CTNNA3: variants seen among roughly 807,000 people sequenced by gnomAD.
The protein encoded by CTNNA3 is catenin alpha 3, also known as catenin alpha-3.
CTNNA3 carries 76 observed loss-of-function variants against 95.7 expected under a neutral mutation model. The observed-to-expected ratio is 0.79, with a 90% CI of 0.66 to 0.96. The LOEUF (loss-of-function observed/expected upper bound fraction) is 0.96. Ranked by LOEUF, CTNNA3 falls within the 40% of genes least tolerant of loss-of-function variation. CTNNA3 has a pLI of 0.00. For missense variants in CTNNA3, 1,191 were observed against 1,089.8 expected, an observed-to-expected ratio of 1.09 and a Z score of -1.31; for synonymous variants, 431 against 374.4, an observed-to-expected ratio of 1.15 and a Z score of -1.74.
chr10:67,142,910 G>C (rs1337957913), intron 7 of CTNNA3, among the ~76,000 whole-genome samples: 1 of 152,016 alleles, frequency 6.6e-6, no homozygotes, highest in Non-Finnish European at 1.5e-5. Flanking sequence ...CCAGCCTGGA[G>C]ACAGAGCAAG....
At chr10:66,875,249 A>C (rs1844570173) in intron 7 of CTNNA3, among the ~76,000 whole-genome samples, 1 of 152,278 alleles carries the variant, frequency 6.6e-6, no homozygotes, top group South Asian at 2.1e-4. Context: ...TGCAGACATG[A>C]GGAAGGGCCA....
intron 10 of CTNNA3, among the ~76,000 whole-genome samples, chr10:66,556,404 C>T (rs907817319): frequency 6.6e-6 from 1 of 152,016 alleles, no homozygotes; most frequent in Non-Finnish European, 1.5e-5. Context: ...GAAGAGATTT[C>T]TGTACCCCTA....
chr10:67,313,991 T>A (rs2132533566), intron 5 of CTNNA3, among the ~76,000 whole-genome samples: 1 of 152,238 alleles, frequency 6.6e-6, no homozygotes, highest in South Asian at 2.1e-4. Flanking sequence ...TGTAAAAGCC[T>A]AGAGAGAGTG....
At chr10:66,533,420 G>C (rs1021827191) in intron 10 of CTNNA3, among the ~76,000 whole-genome samples, 3 of 152,082 alleles carry the variant, frequency 2.0e-5, no homozygotes, top group African/African-American at 7.2e-5. Context: ...TTCCTGGATT[G>C]TCGTGGGTAT....
intron 5 of CTNNA3, among the ~76,000 whole-genome samples, chr10:67,318,208 G>C (rs185751176): frequency 6.6e-6 from 1 of 152,220 alleles, no homozygotes; most frequent in Admixed American, 6.5e-5. Flanking sequence ...CATTCTGCCT[G>C]AACTATCCTG....
At chr10:67,197,772 C>T (rs926791823) in intron 6 of CTNNA3, among the ~76,000 whole-genome samples, 5 of 152,054 alleles carry the variant, frequency 3.3e-5, no homozygotes, top group African/African-American at 1.2e-4. Context: ...TAGAAATTAA[C>T]TCAAATGTTT....
At chr10:66,374,110 A>T (rs925138816) in intron 12 of CTNNA3, among the ~76,000 whole-genome samples, 3 of 152,198 alleles carry the variant, frequency 2.0e-5, no homozygotes, top group African/African-American at 7.2e-5. Flanking sequence ...CTTGGTGATC[A>T]TTGATCATTG....
intron 10 of CTNNA3, among the ~76,000 whole-genome samples, chr10:66,610,911 T>TA (rs1844306641): frequency 1.3e-5 from 2 of 151,830 alleles, no homozygotes; most frequent in African/African-American, 4.8e-5. Context: ...GATGAATAAA[T>TA]AAAAAAATGT....
chr10:67,292,985 G>T (rs1839896193), intron 5 of CTNNA3, among the ~76,000 whole-genome samples: 1 of 151,734 alleles, frequency 6.6e-6, no homozygotes, highest in Non-Finnish European at 1.5e-5. Flanking sequence ...AACCATTCTA[G>T]TTTAGGATAT....
chr10:67,531,027 G>A (rs933462361), intron 4 of CTNNA3, among the ~76,000 whole-genome samples: 1 of 152,206 alleles, frequency 6.6e-6, no homozygotes, highest in African/African-American at 2.4e-5. Context: ...TTGAGGTTTG[G>A]GAACCTCTGC....
At chr10:66,617,712 G>A (rs1844574498) in intron 10 of CTNNA3, among the ~76,000 whole-genome samples, 2 of 152,066 alleles carry the variant, frequency 1.3e-5, no homozygotes, top group Admixed American at 6.6e-5. Flanking sequence ...TCTGGCCAAG[G>A]CAATTAGGCA....
chr10:66,265,188 T>C lies in CTNNA3; in HGVS notation c.1884+15282A>G, dbSNP rs545502975. 4.6e-5 allele frequency among the ~76,000 whole-genome samples: 7 copies of C among 152,074 alleles called. No homozygotes were observed. The East Asian group carries it at 1.4e-3, about 29-fold the overall frequency. On this transcript the variant is annotated intron_variant, in intron 13 of 17. Coordinates refer to ENST00000433211, the MANE Select transcript of CTNNA3 (RefSeq NM_013266.4). ...TTATCCACATATTGGCCAACAAACC[T>C]ATTATGGTTACTTGGTTGTGATAAC... is the stretch of plus-strand genomic sequence containing the variant.
chr10:66,633,812 C>A (rs886522050), intron 9 of CTNNA3, among the ~76,000 whole-genome samples: 3 of 151,814 alleles, frequency 2.0e-5, no homozygotes, highest in Non-Finnish European at 4.4e-5. Flanking sequence ...GAGAAGTATC[C>A]CCTTTTGACT....
chr10:66,321,313 AT>A (rs2092182033), intron 12 of CTNNA3, among the ~76,000 whole-genome samples: 1 of 152,156 alleles, frequency 6.6e-6, no homozygotes, highest in African/African-American at 2.4e-5. Context: ...TGTCCATTCT[AT>A]TAAGTTACCG....
intron 7 of CTNNA3, among the ~76,000 whole-genome samples, chr10:66,959,384 A>C (rs1041066184): frequency 3.3e-5 from 5 of 152,202 alleles, no homozygotes; most frequent in Non-Finnish European, 5.9e-5. Context: ...CCCAGTAAAA[A>C]TAATGAGATG....
At chr10:67,202,103 T>C (rs1381581369) in intron 6 of CTNNA3, among the ~76,000 whole-genome samples, 2 of 152,238 alleles carry the variant, frequency 1.3e-5, no homozygotes, top group East Asian at 1.9e-4. Flanking sequence ...TTACAAAGAC[T>C]TCTTTTTCCT....
chr10:66,366,357 A>T (rs1351777547), intron 12 of CTNNA3, among the ~76,000 whole-genome samples: 1 of 152,196 alleles, frequency 6.6e-6, no homozygotes, highest in African/African-American at 2.4e-5. Context: ...AGAAAAAACC[A>T]TGATTCAGCA....
chr10:66,649,371 G>A (rs1845816978), intron 9 of CTNNA3, among the ~76,000 whole-genome samples: 1 of 152,178 alleles, frequency 6.6e-6, no homozygotes, highest in Non-Finnish European at 1.5e-5. Context: ...CCATGTGAGA[G>A]ATTACAGAAG....
At chr10:66,836,541 A>T (rs2132335088) in intron 7 of CTNNA3, among the ~76,000 whole-genome samples, 1 of 152,272 alleles carries the variant, frequency 6.6e-6, no homozygotes, top group African/African-American at 2.4e-5. Flanking sequence ...CATAAAAGTA[A>T]ATGGCAAAAT....
Sources: gnomAD v4.1 joint callset for allele counts (sites outside exome capture counted in the v4.1 genomes callset) on GRCh38, gnomAD v4.1.1 for gene constraint, MANE v1.5 for transcripts, NCBI Gene and HGNC (gene_info 2026-07-23, HGNC 2026-07-21) for gene names.